TTC6: variants seen among roughly 807,000 people sequenced by gnomAD.
TTC6 encodes tetratricopeptide repeat protein 6.
Under a neutral mutation model 210.4 loss-of-function variants are expected in TTC6, and 172 were observed. That is an observed-to-expected ratio of 0.82 (90% CI 0.72 to 0.93). TTC6 has a LOEUF of 0.93. Among genes scored for constraint, TTC6 ranks in the 40% least tolerant of loss-of-function variants. The pLI is 0.00. For synonymous variants in TTC6, 804 were observed against 819.6 expected (o/e 0.98, Z 0.32); for missense variants, 2,414 against 2,318.1 (o/e 1.04, Z -0.85).
intron 14 of TTC6, among the ~76,000 whole-genome samples, chr14:37,780,330 C>T (rs2096050804): frequency 6.6e-6 from 1 of 152,134 alleles, no homozygotes; most frequent in Admixed American, 6.6e-5. Context: ...TGGTTTGACA[C>T]ACAGATCATC....
chr14:37,800,796 G>T (rs2096104692), intron 20 of TTC6, among the ~76,000 whole-genome samples: 1 of 152,132 alleles, frequency 6.6e-6, no homozygotes, highest in Non-Finnish European at 1.5e-5. Context: ...GTTTTTAGGA[G>T]AATTATTTAT....
At chr14:37,705,532 G>A (rs2095833847) in intron 5 of TTC6, among the ~76,000 whole-genome samples, 1 of 152,032 alleles carries the variant, frequency 6.6e-6, no homozygotes, top group South Asian at 2.1e-4. Flanking sequence ...TATGTATAAT[G>A]TTTTGTAACC....
intron 29 of TTC6, among the ~76,000 whole-genome samples, chr14:37,827,590 T>A (rs1277015291): frequency 1.3e-5 from 2 of 152,102 alleles, no homozygotes; most frequent in Non-Finnish European, 2.9e-5. Flanking sequence ...CATTTTTTTC[T>A]TTCATATTTT....
At chr14:37,727,582 C>A (rs1000254965) in intron 7 of TTC6, among the ~76,000 whole-genome samples, 8 of 151,878 alleles carry the variant, frequency 5.3e-5, no homozygotes, top group East Asian at 1.9e-4. Flanking sequence ...TGTGAGCCAC[C>A]ACGCCCAGAC....
At chr14:37,778,869 T>A (rs1004175321) in intron 14 of TTC6, among the ~76,000 whole-genome samples, 2 of 152,130 alleles carry the variant, frequency 1.3e-5, no homozygotes, top group African/African-American at 4.8e-5. Flanking sequence ...AGGGCAAGGT[T>A]GCCCTGCTTT....
At chr14:37,766,135 T>C (rs1042821899) in intron 14 of TTC6, among the ~76,000 whole-genome samples, 2 of 152,194 alleles carry the variant, frequency 1.3e-5, no homozygotes, top group African/African-American at 4.8e-5. Flanking sequence ...ACCATCCATT[T>C]TAAAAGTGTT....
chr14:37,796,196 G>A, intron 18 of TTC6, 98 bp from the exon 21 acceptor site: 1 of 519,702 alleles, frequency 1.9e-6, no homozygotes, highest in East Asian at 3.8e-5. Context: ...AAATAAGAAT[G>A]AATATATTGT....
intron 10 of TTC6, among the ~76,000 whole-genome samples, chr14:37,743,550 T>G (rs1413310870): frequency 1.3e-5 from 2 of 152,224 alleles, no homozygotes; most frequent in African/African-American, 4.8e-5. Context: ...TGGGAATATA[T>G]TTTAACAAAG....
intron 14 of TTC6, among the ~76,000 whole-genome samples, chr14:37,761,825 T>C (rs2095985403): frequency 6.6e-6 from 1 of 152,190 alleles, no homozygotes; most frequent in Admixed American, 6.6e-5. Flanking sequence ...GTTTCTTCAC[T>C]TCATATTTAT....
intron 3 of TTC6, among the ~76,000 whole-genome samples, chr14:37,690,772 G>A (rs2095802134): frequency 6.6e-6 from 1 of 151,750 alleles, no homozygotes; most frequent in Non-Finnish European, 1.5e-5. Context: ...CAATACAATA[G>A]CTGAAAACTT....
chr14:37,709,117 T>A (rs1360654027), intron 5 of TTC6, among the ~76,000 whole-genome samples: 3 of 152,024 alleles, frequency 2.0e-5, no homozygotes, highest in African/African-American at 4.8e-5. Context: ...CATTTCTCAA[T>A]GATCAGGTCT....
rs528764157 is a variant in TTC6, at chr14:37,805,762, G to A, written c.4165-599G>A. ...TGTCGCCAGGGTGGAGTGCAGTGGC[G>A]CGATCTCGGCTCACTGCAACCTCTG... On this transcript the variant is annotated intron_variant, in intron 21 of 30. Transcript: ENST00000553443. 1.6e-3 allele frequency among the ~76,000 whole-genome samples: 245 copies of A among 152,044 alleles called. 1 individual carries two copies. Among genetic ancestry groups the A allele is most frequent in the African/African-American group, 5.5e-3 (229 of 41,476 alleles).
chr14:37,683,713 T>C (rs141871050), intron 3 of TTC6, among the ~76,000 whole-genome samples: 7 of 152,040 alleles, frequency 4.6e-5, no homozygotes, highest in African/African-American at 1.7e-4. Flanking sequence ...AAGAGCATAA[T>C]GTATATAAGG....
At chr14:37,785,209 A>T (rs139596435) in intron 14 of TTC6, among the ~76,000 whole-genome samples, 1 of 152,156 alleles carries the variant, frequency 6.6e-6, no homozygotes, top group African/African-American at 2.4e-5. Flanking sequence ...TAATATCCTG[A>T]AGAGTGTTTT....
chr14:37,823,388 A>T (rs960900309), intron 26 of TTC6, among the ~76,000 whole-genome samples: 6 of 152,212 alleles, frequency 3.9e-5, no homozygotes, highest in African/African-American at 1.4e-4. Context: ...AGTACATTTC[A>T]TCAATAGTAG....
intron 5 of TTC6, among the ~76,000 whole-genome samples, chr14:37,706,605 A>G (rs1482884108): frequency 6.6e-6 from 1 of 152,118 alleles, no homozygotes; most frequent in Non-Finnish European, 1.5e-5. Flanking sequence ...ATGCATTGCA[A>G]CCATAATAAA....
chr14:37,704,545 C>T (rs2095831771), intron 5 of TTC6, among the ~76,000 whole-genome samples: 1 of 151,486 alleles, frequency 6.6e-6, no homozygotes, highest in Non-Finnish European at 1.5e-5. Context: ...GTGCTTTTTT[C>T]CTTTTGAGAA....
exon 6 of TTC6, chr14:37,714,737 T>C: frequency 6.5e-7 from 1 of 1,535,744 alleles, no homozygotes; most frequent in Non-Finnish European, 8.7e-7. Context: ...ACCACCTGAA[T>C]TGGCACAAGG....
At chr14:37,665,570 A>G (rs937799913) in intron 1 of TTC6, among the ~76,000 whole-genome samples, 1 of 150,242 alleles carries the variant, frequency 6.7e-6, no homozygotes, top group African/African-American at 2.4e-5. Flanking sequence ...AGGTGATGAG[A>G]TGATCTGTGC....
Sources: allele counts gnomAD v4.1 joint callset (sites outside exome capture counted in the v4.1 genomes callset), GRCh38; gene constraint gnomAD v4.1.1; transcripts MANE v1.5; gene names NCBI Gene and HGNC (gene_info 2026-07-23, HGNC 2026-07-21).